The following PAM variants were observed in gnomAD, a reference collection of about 807,000 sequenced individuals.
The protein encoded by PAM is peptidyl-glycine alpha-amidating monooxygenase.
Under a neutral mutation model 122.1 loss-of-function variants are expected in PAM, and 72 were observed. That is an observed-to-expected ratio of 0.59 (90% CI 0.49 to 0.72). The LOEUF (loss-of-function observed/expected upper bound fraction) is 0.72, where lower values mean the gene tolerates loss of function less well. Ranked by LOEUF, PAM falls within the 30% of genes least tolerant of loss-of-function variation. The pLI, the probability that PAM is intolerant of heterozygous loss-of-function variation, is 0.00. For synonymous variants in PAM, 389 were observed against 404.4 expected (o/e 0.96, Z 0.46); for missense variants, 1,106 against 1,183.7 (o/e 0.93, Z 0.96).
chr5:102,956,193 C>T (rs918387658), intron 12 of PAM, among the ~76,000 whole-genome samples: 8 of 151,968 alleles, frequency 5.3e-5, no homozygotes, highest in African/African-American at 1.7e-4. Flanking sequence ...ATTAATATGT[C>T]TCAGAAAATC....
At chr5:102,757,409 A>G (rs1348167534) in intron 1 of PAM, among the ~76,000 whole-genome samples, 1 of 152,260 alleles carries the variant, frequency 6.6e-6, no homozygotes, top group Admixed American at 6.5e-5. Flanking sequence ...GTTTGTTAAG[A>G]CATTGCTTTC....
chr5:103,027,902 T>A (rs1037157059), intron 24 of PAM, among the ~76,000 whole-genome samples: 1 of 152,206 alleles, frequency 6.6e-6, no homozygotes, highest in Admixed American at 6.5e-5. Flanking sequence ...ACAGGGATTC[T>A]CCTTGACCTT....
chr5:103,023,466 T>A (rs1784166773), intron 23 of PAM, among the ~76,000 whole-genome samples: 1 of 149,408 alleles, frequency 6.7e-6, no homozygotes, highest in Non-Finnish European at 1.5e-5. Context: ...AGAATAAGCT[T>A]AAATATAGAG....
chr5:102,993,495 T>C (rs1463690889), intron 16 of PAM, among the ~76,000 whole-genome samples: 1 of 152,168 alleles, frequency 6.6e-6, no homozygotes, highest in Non-Finnish European at 1.5e-5. Flanking sequence ...TTATAGATGT[T>C]AGAAGTTGTA....
intron 4 of PAM, among the ~76,000 whole-genome samples, chr5:102,909,494 A>G (rs1344758713): frequency 6.6e-6 from 1 of 151,894 alleles, no homozygotes; most frequent in Non-Finnish European, 1.5e-5. Flanking sequence ...CTATGCTCAC[A>G]TAATAGAGTA....
chr5:103,009,699 G>C (rs146407774), intron 20 of PAM, 52 bp from the exon 21 acceptor site: 1 of 941,936 alleles, frequency 1.1e-6, no homozygotes, highest in African/African-American at 1.6e-5. Flanking sequence ...TATATTAGAA[G>C]TCCATTCTTA....
chr5:102,771,329 A>G (rs1755734626), intron 1 of PAM, among the ~76,000 whole-genome samples: 1 of 152,058 alleles, frequency 6.6e-6, no homozygotes, highest in Admixed American at 6.6e-5. Flanking sequence ...TGTTATAGTA[A>G]TCATTTTGGT....
chr5:102,803,146 A>AAAGGAAGGAAGG (rs149345963), intron 1 of PAM, among the ~76,000 whole-genome samples: 14 of 133,602 alleles, frequency 1.0e-4, no homozygotes, highest in African/African-American at 3.9e-4. Flanking sequence ...AGAAAGAAAG[A>AAAGGAAGGAAGG]AAGGAAGGAA....
At chr5:102,785,400 A>C (rs1390586102) in intron 1 of PAM, among the ~76,000 whole-genome samples, 1 of 152,254 alleles carries the variant, frequency 6.6e-6, no homozygotes, top group African/African-American at 2.4e-5. Context: ...TTACAAAAGA[A>C]CTTTGGTAGA....
At chr5:102,972,359 G>A (rs1766108041) in intron 14 of PAM, among the ~76,000 whole-genome samples, 3 of 152,116 alleles carry the variant, frequency 2.0e-5, no homozygotes, top group Non-Finnish European at 4.4e-5. Flanking sequence ...ATAGCTCACT[G>A]CAGCCTTGAA....
At chr5:103,027,826 T>C (rs896443110) in intron 24 of PAM, among the ~76,000 whole-genome samples, 33 of 152,198 alleles carry the variant, frequency 2.2e-4, no homozygotes, top group African/African-American at 7.5e-4. Flanking sequence ...TTATTGAGCA[T>C]TTACTGTATA....
Position 103,012,875 on chromosome 5 carries a change from A to AAAGT in PAM, c.2331+3009_2331+3010insAAGT. ...TGCCTCAAAAAAAAAAAAAAAAATG[A>AAAGT]GTTCACTGTAGGTGTGTGGATTTTT... On this transcript the variant is annotated intron_variant, in intron 21 of 25. Transcript: ENST00000438793. Among the ~76,000 whole-genome samples the AAAGT allele has an allele frequency of 1.3e-5, 2 of 149,710 alleles. 1 individual carries two copies.
intron 1 of PAM, among the ~76,000 whole-genome samples, chr5:102,817,686 G>A (rs887762670): frequency 1.3e-5 from 2 of 150,842 alleles, no homozygotes; most frequent in African/African-American, 2.4e-5. Context: ...TGACTCCTGC[G>A]GTCTAATGTC....
At chr5:102,889,171 G>A (rs184033855) in intron 3 of PAM, among the ~76,000 whole-genome samples, 205 of 152,026 alleles carry the variant, frequency 1.3e-3, no homozygotes, top group African/African-American at 4.6e-3. Flanking sequence ...CCACGCTCCA[G>A]GAGGCTGACC....
intron 6 of PAM, among the ~76,000 whole-genome samples, chr5:102,926,093 C>CT (rs546341167): frequency 0.075 from 11,077 of 146,918 alleles, 500 homozygotes; most frequent in Middle Eastern, 0.15. Flanking sequence ...TTATGTATGT[C>CT]TTTTTTTTTT....
At chr5:102,840,966 G>T (rs1778426791) in intron 1 of PAM, among the ~76,000 whole-genome samples, 1 of 151,988 alleles carries the variant, frequency 6.6e-6, no homozygotes, top group Admixed American at 6.6e-5. Context: ...GTTATAGATG[G>T]GTATTTTTAT....
intron 1 of PAM, among the ~76,000 whole-genome samples, chr5:102,852,424 G>GT (rs1418775623): frequency 1.3e-5 from 2 of 151,856 alleles, no homozygotes; most frequent in Non-Finnish European, 2.9e-5. Flanking sequence ...GTAATGCTCT[G>GT]TTTTTTTCTA....
At chr5:102,950,666 C>A (rs1375044838) in intron 11 of PAM, 51 bp from the exon 12 acceptor site, 1 of 1,107,828 alleles carries the variant, frequency 9.0e-7, no homozygotes, top group South Asian at 1.3e-5. Context: ...ACATGTAGTT[C>A]TGGATTTTAT....
intron 1 of PAM, among the ~76,000 whole-genome samples, chr5:102,801,466 AGTT>A (rs1397205801): frequency 3.9e-5 from 6 of 152,216 alleles, no homozygotes; most frequent in African/African-American, 1.4e-4. Context: ...TGCCTTAATC[AGTT>A]AAACAGAAGG....
Sources: allele counts gnomAD v4.1 joint callset (sites outside exome capture counted in the v4.1 genomes callset), GRCh38; gene constraint gnomAD v4.1.1; transcripts MANE v1.5; gene names NCBI Gene and HGNC (gene_info 2026-07-23, HGNC 2026-07-21).